CD300A: variants seen among roughly 807,000 people sequenced by gnomAD.
CD300A encodes CD300a molecule.
CD300A carries 22 observed loss-of-function variants against 33.6 expected under a neutral mutation model. That is an observed-to-expected ratio of 0.66 (90% confidence interval 0.47 to 0.94). The LOEUF (loss-of-function observed/expected upper bound fraction) is 0.94, where lower values mean the gene tolerates loss of function less well. Ranked by LOEUF, CD300A falls within the 40% of genes least tolerant of loss-of-function variation. CD300A has a pLI of 0.00. For synonymous variants in CD300A, 136 were observed against 148.1 expected (o/e 0.92, Z 0.59); for missense variants, 326 against 360.5 (o/e 0.90, Z 0.77).
chr17:74,466,822 C>A, intron 1 of CD300A, 79 bp downstream of exon 1: 1 of 1,548,808 alleles, frequency 6.5e-7, no homozygotes, highest in South Asian at 1.2e-5. Context: ...AGGTATCACA[C>A]GAGACGCCCC....
chr17:74,475,826 A>AC (rs1187273030), intron 3 of CD300A, among the ~76,000 whole-genome samples: 4 of 151,778 alleles, frequency 2.6e-5, no homozygotes, highest in African/African-American at 7.2e-5. Context: ...GGTTCCCAGG[A>AC]CCCCCCCAGG....
intron 3 of CD300A, among the ~76,000 whole-genome samples, chr17:74,477,216 A>C (rs1455979769): frequency 6.6e-6 from 1 of 151,968 alleles, no homozygotes. Flanking sequence ...AAAATTTAAA[A>C]ATTAGCCGTG....
rs8078290 is a variant in CD300A, at chr17:74,480,782, C to G, written c.629-507C>G. Among the ~76,000 whole-genome samples the G allele has an allele frequency of 0.39, 59,123 of 151,992 alleles. 12,058 individuals carry two copies. The highest frequency in any genetic ancestry group is 0.71 in the East Asian group (3,667 of 5,160). On this transcript the variant is annotated intron_variant, in intron 4 of 6. Coordinates refer to ENST00000360141, the MANE Select transcript of CD300A (RefSeq NM_007261.4). The surrounding 1 kb of genome is among the most constrained non-coding windows in gnomAD (Gnocchi z 4.2). The stretch of plus-strand genomic sequence containing the variant: ...TTCGTTTTTGAGACAGAGTCTTGCT[C>G]TGTTGCCCAGGCTGGAGTGCAGTGG...
At position 74,477,566 on chromosome 17, in the gene CD300A, G is replaced by A. The variant is rs750880480; in HGVS notation, c.628+36G>A. 2.0e-6 allele frequency: 3 copies of A among 1,490,488 alleles called. No individual in the cohort carries two copies. In the African/African-American group the frequency reaches 4.2e-5, roughly 21 times the overall value. The allele number at this position is 1,490,488 out of a possible 1,614,324, so 92.3% of individuals were successfully genotyped here. ...TCCCCACACCCCTCTGCCCCACCTG[G>A]GGTGGTCAGACCCTGACCACAGACG... On this transcript the variant is annotated intron_variant, in intron 4 of 6. Coordinates refer to ENST00000360141, the MANE Select transcript of CD300A (RefSeq NM_007261.4).
chr17:74,476,640 G>T (rs1221561965), intron 3 of CD300A, among the ~76,000 whole-genome samples: 1 of 152,242 alleles, frequency 6.6e-6, no homozygotes, highest in East Asian at 1.9e-4. Flanking sequence ...TCAATCTGCT[G>T]CTGCGTGGTC....
chr17:74,472,163 G>A (rs1208791228), intron 1 of CD300A, among the ~76,000 whole-genome samples: 4 of 151,508 alleles, frequency 2.6e-5, no homozygotes, highest in East Asian at 1.9e-4. Flanking sequence ...GCTTGAACCC[G>A]GGAGGCAGAG....
intron 1 of CD300A, chr17:74,470,189 G>T: frequency 1.0e-6 from 1 of 985,456 alleles, no homozygotes; most frequent in Non-Finnish European, 1.2e-6. Context: ...TTGGAAGAGA[G>T]AAAGCGCAGA....
chr17:74,466,948 G>T, intron 1 of CD300A: 11 of 1,433,806 alleles, frequency 7.7e-6, no homozygotes, highest in Non-Finnish European at 1.0e-5. Context: ...TCCCGGCTCT[G>T]CACCCACGTA....
Position 74,484,207 on chromosome 17 carries a change from C to A in CD300A, c.*81C>A. 6.8e-7 allele frequency: 1 copy of A among 1,476,348 alleles called. No homozygotes were observed. Among genetic ancestry groups the A allele is most frequent in the Non-Finnish European group, 9.3e-7 (1 of 1,075,628 alleles). 91.5% of individuals were successfully genotyped at this position (1,476,348 alleles called of 1,614,324 possible). Reference sequence around the variant, plus strand: ...AGCTCCCTTATACCTGGCCCACGTCCTTCTCAGCCTGCCCTCGACAACAGT... The same window carrying A: ...AGCTCCCTTATACCTGGCCCACGTCATTCTCAGCCTGCCCTCGACAACAGT... On this transcript the variant is annotated 3_prime_UTR_variant, in exon 7 of 7. Transcript: ENST00000360141.
At chr17:74,467,479 ATCT>A (rs1426147491) in intron 1 of CD300A, among the ~76,000 whole-genome samples, 1 of 152,190 alleles carries the variant, frequency 6.6e-6, no homozygotes, top group Non-Finnish European at 1.5e-5. Flanking sequence ...AAGCGCTGAG[ATCT>A]TCTTTAGGGA....
rs187749672 is a variant in CD300A at position 74,473,401 on chromosome 17, G to A, written c.41-135G>A. 4.9e-4 allele frequency: 385 copies of A among 779,478 alleles called. 1 individual carries two copies. The African/African-American group carries it at 5.2e-3, about 11-fold the overall frequency. 48.3% of individuals were successfully genotyped at this position (779,478 alleles called of 1,614,324 possible). A position where few individuals can be genotyped will look rare whatever the true frequency, so the allele number is the denominator to read the frequency against. On this transcript the variant is annotated intron_variant, in intron 1 of 6. Transcript: ENST00000360141. ...AGGTAGCCTCTCATCCTCAGTCCCC[G>A]CTCCTGGGTGGACAAGGCCTCTCTG... is the stretch of plus-strand genomic sequence containing the variant.
chr17:74,471,279 C>T (rs922063157), intron 1 of CD300A, among the ~76,000 whole-genome samples: 2 of 152,110 alleles, frequency 1.3e-5, no homozygotes, highest in Admixed American at 1.3e-4. Flanking sequence ...AATATCTTGA[C>T]TCTTCATTCT....
intron 3 of CD300A, 32 bp downstream of exon 3, chr17:74,474,717 G>C (rs1383835331): frequency 6.2e-6 from 10 of 1,610,732 alleles, no homozygotes; most frequent in Non-Finnish European, 7.6e-6. Flanking sequence ...ACATGGAGGG[G>C]GCCCTGTGCT....
intron 1 of CD300A, chr17:74,467,017 T>C: frequency 7.4e-7 from 1 of 1,343,708 alleles, no homozygotes; most frequent in East Asian, 2.9e-5. Context: ...AGGGACCTTT[T>C]AGGTTTTCAG....
At chr17:74,474,456 A>C (rs764210466) in intron 2 of CD300A, 76 bp from the exon 3 acceptor site, 187 of 1,498,382 alleles carry the variant, frequency 1.2e-4, no homozygotes, top group Non-Finnish European at 1.6e-4. Context: ...GTGTGAAATC[A>C]AACCAAAAAG....
intron 1 of CD300A, among the ~76,000 whole-genome samples, chr17:74,467,300 G>C (rs1054812838): frequency 5.9e-5 from 9 of 152,126 alleles, no homozygotes; most frequent in Non-Finnish European, 1.3e-4. Context: ...AACCAGGGCA[G>C]CCCAGCGGCT....
chr17:74,469,251 A>G lies in CD300A; in HGVS notation c.40+2508A>G, dbSNP rs568839915. 1.5e-4 allele frequency among the ~76,000 whole-genome samples: 23 copies of G among 151,988 alleles called. No homozygotes were observed. The East Asian group carries it at 4.3e-3, about 28-fold the overall frequency. ...CATTAAAAAAAATCTAGCTGGGTGC[A>G]GTGGCTCACACCTGTAATCCCAGAA... On this transcript the variant is annotated intron_variant, in intron 1 of 6. Transcript: ENST00000360141.
intron 5 of CD300A, 98 bp downstream of exon 5, chr17:74,481,424 T>C: frequency 8.8e-7 from 1 of 1,136,588 alleles, no homozygotes; most frequent in South Asian, 1.3e-5. Flanking sequence ...GGAGGTTGGA[T>C]GGAGCGGGGA....
chr17:74,468,855 A>C (rs2144500086), intron 1 of CD300A, among the ~76,000 whole-genome samples: 2 of 152,264 alleles, frequency 1.3e-5, no homozygotes, highest in Middle Eastern at 6.8e-3. Context: ...ACGGGGTTTC[A>C]CCATGTTGCC....
Sources: allele counts gnomAD v4.1 joint callset (sites outside exome capture counted in the v4.1 genomes callset), GRCh38; gene constraint gnomAD v4.1.1; non-coding constraint Gnocchi (gnomAD v3.1); transcripts MANE v1.5; gene names NCBI Gene and HGNC (gene_info 2026-07-23, HGNC 2026-07-21).